Variants in NTPCR observed in about 807,000 individuals in gnomAD.
The protein encoded by NTPCR is cancer-related nucleoside-triphosphatase.
NTPCR carries 15 observed loss-of-function variants against 19.5 expected under a neutral mutation model. The observed-to-expected ratio is 0.77, with a 90% CI of 0.51 to 1.18. The LOEUF (loss-of-function observed/expected upper bound fraction) is 1.18, where lower values mean the gene tolerates loss of function less well. NTPCR is among the 50% of genes most tolerant of loss of function. NTPCR has a pLI of 0.00. For synonymous variants in NTPCR, 90 were observed against 95.8 expected (o/e 0.94, Z 0.36); for missense variants, 206 against 240.4 (o/e 0.86, Z 0.95).
rs1669272605 is a variant in NTPCR, at chr1:232,981,257, A to C, written c.*3026A>C. The C allele has an allele frequency of 1.3e-5, 2 of 152,314 alleles. No homozygotes were observed. The allele number at this position is 152,314 out of a possible 1,614,324, so 9.4% of individuals were successfully genotyped here. A position where few individuals can be genotyped will look rare whatever the true frequency, so the allele number is the denominator to read the frequency against. On this transcript the variant is annotated 3_prime_UTR_variant, in exon 5 of 5. Transcript: ENST00000366628. ...TCTCTGATGATCAGCCTTGACAGGGAGAGATCCTAGTAAAGCTGCAAATTC... is the reference window on the plus strand; with the variant it reads ...TCTCTGATGATCAGCCTTGACAGGGCGAGATCCTAGTAAAGCTGCAAATTC...
chr1:232,953,387 A>T (rs1668426981), intron 1 of NTPCR, among the ~76,000 whole-genome samples: 1 of 152,196 alleles, frequency 6.6e-6, no homozygotes, highest in East Asian at 1.9e-4. Flanking sequence ...TAACTAATGA[A>T]GAAAAAATTA....
chr1:232,978,055 C>A, intron 4 of NTPCR, 108 bp from the exon 5 acceptor site: 1 of 864,244 alleles, frequency 1.2e-6, no homozygotes, highest in Non-Finnish European at 1.8e-6. Flanking sequence ...ACAAAACATA[C>A]CTCACCCTCT....
intron 4 of NTPCR, among the ~76,000 whole-genome samples, chr1:232,972,297 T>C (rs1176647447): frequency 6.6e-6 from 1 of 152,224 alleles, no homozygotes; most frequent in East Asian, 1.9e-4. Flanking sequence ...AGTTTTATTT[T>C]ATTTTTTATT....
chr1:232,970,195 CTT>C, intron 4 of NTPCR, 77 bp downstream of exon 4: 2 of 1,220,736 alleles, frequency 1.6e-6, no homozygotes, highest in Non-Finnish European at 2.4e-6. Context: ...TAAAATATCT[CTT>C]TGGTTTTGAG....
chr1:232,958,512 A>G (rs2102741290), intron 3 of NTPCR, among the ~76,000 whole-genome samples: 1 of 152,340 alleles, frequency 6.6e-6, no homozygotes, highest in South Asian at 2.1e-4. Context: ...GATATCCTCT[A>G]ATCTCAGAGG....
Position 232,958,529 on chromosome 1 carries a change from G to A in NTPCR, c.294+2086G>A, listed in dbSNP as rs546529665. 7.2e-5 allele frequency among the ~76,000 whole-genome samples: 11 copies of A among 152,288 alleles called. No homozygotes were observed. The East Asian group carries it at 1.7e-3, about 24-fold the overall frequency. ...TATCCTCTAATCTCAGAGGGCTGGT[G>A]GTATCTTATGGTCTGTTTCAGCAGG... On this transcript the variant is annotated intron_variant, in intron 3 of 4. Coordinates refer to ENST00000366628, the MANE Select transcript of NTPCR (RefSeq NM_032324.3).
Position 232,978,202 on chromosome 1 carries a change from G to C in NTPCR, c.544G>C (p.Val182Leu), listed in dbSNP as rs150667258. The change falls in exon 5 of 5, where the codon GTG becomes CTG. Residue 182 changes from valine to leucine, a missense_variant. Coordinates refer to ENST00000366628, the MANE Select transcript of NTPCR (RefSeq NM_032324.3). The part of the protein sequence containing the change: ...ENRNHLLPDI[V>L]TCVQSSRK The stretch of plus-strand genomic sequence containing the variant: ...CAGAAACCACCTTCTGCCAGATATC[G>C]TGACGTGCGTGCAGAGCAGCAGGAA... The C allele has an allele frequency of 2.5e-6, 4 of 1,614,152 alleles. No individual in the cohort carries two copies. The highest frequency in any genetic ancestry group is 2.5e-6 in the Non-Finnish European group (3 of 1,180,000).
chr1:232,976,744 G>A (rs940331088), intron 4 of NTPCR: 8 of 570,504 alleles, frequency 1.4e-5, no homozygotes, highest in East Asian at 3.5e-5. Context: ...CGGGACTGAC[G>A]CAGCCAGGAC....
chr1:232,969,905 T>G lies in NTPCR; in HGVS notation c.295-4T>G. ...GTCCCAGTGAAAGTCTTTGTCATTCTCAGGCCGACTGCAGCAGTGGCCCAG... is the reference window on the plus strand; with the variant it reads ...GTCCCAGTGAAAGTCTTTGTCATTCGCAGGCCGACTGCAGCAGTGGCCCAG... On this transcript the variant is annotated splice_region_variant and splice_polypyrimidine_tract_variant and intron_variant, in intron 3 of 4. Coordinates refer to ENST00000366628, the MANE Select transcript of NTPCR (RefSeq NM_032324.3). The G allele has an allele frequency of 6.2e-7, 1 of 1,613,584 alleles. No homozygotes were observed. The highest frequency in any genetic ancestry group is 8.5e-7 in the Non-Finnish European group (1 of 1,179,560).
At position 232,950,862 on chromosome 1, in the gene NTPCR, C is replaced by A. The variant is rs111431354; in HGVS notation, c.34+118C>A. On this transcript the variant is annotated intron_variant, in intron 1 of 4. Coordinates refer to ENST00000366628, the MANE Select transcript of NTPCR (RefSeq NM_032324.3). ...CTCCAGGGCTCCGGCCTCTGAAGTT[C>A]CCAATTTAAATGGCGGGCTTGGTAG... The A allele has an allele frequency of 8.1e-4, 524 of 649,826 alleles. 2 individuals are homozygous for A. In the African/African-American group the frequency reaches 8.7e-3, roughly 11 times the overall value. 40.3% of individuals were successfully genotyped at this position (649,826 alleles called of 1,614,324 possible).
rs1417266490 is a variant in NTPCR at position 232,983,046 on chromosome 1, T to C, written c.*4815T>C. ...TGTGATTATAGAGTACACTTGCTTTTATTAATTGCTGATTCTTAGTTTACA... is the reference window on the plus strand; with the variant it reads ...TGTGATTATAGAGTACACTTGCTTTCATTAATTGCTGATTCTTAGTTTACA... On this transcript the variant is annotated 3_prime_UTR_variant, in exon 5 of 5. Coordinates refer to ENST00000366628, the MANE Select transcript of NTPCR (RefSeq NM_032324.3). 6.6e-6 allele frequency: 1 copy of C among 152,186 alleles called. No homozygotes were observed. Among genetic ancestry groups the C allele is most frequent in the African/African-American group, 2.4e-5 (1 of 41,448 alleles). The allele number at this position is 152,186 out of a possible 1,614,324, so 9.4% of individuals were successfully genotyped here.
chr1:232,955,478 A>T (rs1481358688), intron 1 of NTPCR, 79 bp from the exon 2 acceptor site: 2 of 1,253,364 alleles, frequency 1.6e-6, no homozygotes, highest in African/African-American at 1.5e-5. Context: ...CTCAGAGTCC[A>T]CAAGTGCTGT....
In NTPCR at chr1:232,978,373, T is replaced by C. The variant is rs1669203647; in HGVS notation, c.*142T>C. On this transcript the variant is annotated 3_prime_UTR_variant, in exon 5 of 5. Transcript: ENST00000366628. ...GAGAAAACTCAACAGCTGTTTCCCA[T>C]AAAATGTTTAAAAGATCAAATTAGC... is the stretch of plus-strand genomic sequence containing the variant. The C allele has an allele frequency of 1.6e-6, 1 of 626,058 alleles. No homozygotes were observed. Among genetic ancestry groups the C allele is most frequent in the East Asian group, 2.8e-5 (1 of 35,728 alleles). 38.8% of individuals were successfully genotyped at this position (626,058 alleles called of 1,614,324 possible).
In NTPCR at chr1:232,983,264, T is replaced by TA. The variant is rs1050857925; in HGVS notation, c.*5034dup. 1.3e-5 allele frequency: 2 copies of TA among 152,182 alleles called. No individual in the cohort carries two copies. Among genetic ancestry groups the TA allele is most frequent in the African/African-American group, 4.8e-5 (2 of 41,440 alleles). The allele number at this position is 152,182 out of a possible 1,614,324, so 9.4% of individuals were successfully genotyped here. A position where few individuals can be genotyped will look rare whatever the true frequency, so the allele number is the denominator to read the frequency against. ...AAGGGATGGTTCACCAGGCCAGTGA[T>TA]ACTCTATGGACTGCATTTTGGGACC... On this transcript the variant is annotated 3_prime_UTR_variant, in exon 5 of 5. Transcript: ENST00000366628.
intron 1 of NTPCR, among the ~76,000 whole-genome samples, chr1:232,952,130 C>A (rs1310322842): frequency 6.6e-6 from 1 of 152,188 alleles, no homozygotes; most frequent in Admixed American, 6.5e-5. Flanking sequence ...GCGTAATTTT[C>A]ATTAGTCAAT....
chr1:232,981,647 A>T lies in NTPCR; in HGVS notation c.*3416A>T, dbSNP rs1005765035. 6.6e-6 allele frequency: 1 copy of T among 152,148 alleles called. No individual in the cohort carries two copies. Among genetic ancestry groups the T allele is most frequent in the Non-Finnish European group, 1.5e-5 (1 of 68,026 alleles). 9.4% of individuals were successfully genotyped at this position (152,148 alleles called of 1,614,324 possible). A position where few individuals can be genotyped will look rare whatever the true frequency, so the allele number is the denominator to read the frequency against. On this transcript the variant is annotated 3_prime_UTR_variant, in exon 5 of 5. Transcript: ENST00000366628. The stretch of plus-strand genomic sequence containing the variant: ...CCAAATTGGCCACATGATTTATATA[A>T]AACCAAGTGCTATGGTTTTAATATT...
At chr1:232,961,719 CT>C (rs958800939) in intron 3 of NTPCR, among the ~76,000 whole-genome samples, 3 of 152,012 alleles carry the variant, frequency 2.0e-5, no homozygotes, top group African/African-American at 7.3e-5. Context: ...CTTCTGCATG[CT>C]TTTTTTAAAC....
chr1:232,975,490 C>A (rs1278897264), intron 4 of NTPCR, among the ~76,000 whole-genome samples: 2 of 152,182 alleles, frequency 1.3e-5, no homozygotes, highest in Non-Finnish European at 2.9e-5. Flanking sequence ...GGAAGAAATG[C>A]CTCTTAGTAT....
intron 3 of NTPCR, chr1:232,962,145 G>C (rs1408669601): frequency 6.6e-6 from 1 of 152,128 alleles, no homozygotes; most frequent in Non-Finnish European, 1.5e-5. Flanking sequence ...TTACAGATGA[G>C]GAAACTGAGG....
Sources: allele counts gnomAD v4.1 joint callset (sites outside exome capture counted in the v4.1 genomes callset), GRCh38; gene constraint gnomAD v4.1.1; transcripts MANE v1.5; gene names NCBI Gene and HGNC (gene_info 2026-07-23, HGNC 2026-07-21).